Variants in PCNX4 observed in about 807,000 individuals in gnomAD.
PCNX4 encodes pecanex-like protein 4.
PCNX4 carries 103 observed loss-of-function variants against 107.2 expected under a neutral mutation model. The ratio of observed to expected loss-of-function variants is 0.96; its 90% CI spans 0.82 to 1.13. PCNX4 has a LOEUF of 1.13. PCNX4 is among the 50% of genes most tolerant of loss of function. The pLI is 0.00. For missense variants in PCNX4, 1,528 were observed against 1,379.4 expected (o/e 1.11, Z -1.71); for synonymous variants, 541 against 481.7 (o/e 1.12, Z -1.61).
intron 8 of PCNX4, among the ~76,000 whole-genome samples, chr14:60,123,324 A>G (rs1474154475): frequency 6.6e-6 from 1 of 152,084 alleles, no homozygotes; most frequent in Non-Finnish European, 1.5e-5. Flanking sequence ...ATACTTTAAA[A>G]TTTACAAAAC....
At chr14:60,097,872 C>T (rs947529957) in intron 1 of PCNX4, among the ~76,000 whole-genome samples, 1 of 152,230 alleles carries the variant, frequency 6.6e-6, no homozygotes, top group African/African-American at 2.4e-5. Context: ...GTTATTTCTG[C>T]AGTCAATCCA....
chr14:60,127,622 A>C (rs540243763), intron 10 of PCNX4, among the ~76,000 whole-genome samples: 1 of 152,294 alleles, frequency 6.6e-6, no homozygotes, highest in South Asian at 2.1e-4. Context: ...ACAAGTACAT[A>C]ATAATAACAA....
chr14:60,134,275 A>G lies in PCNX4; in HGVS notation c.*54A>G. 1 of 1,579,914 alleles carries G rather than the reference A, an allele frequency of 6.3e-7. No homozygotes were observed. The highest frequency in any genetic ancestry group is 1.1e-5 in the South Asian group (1 of 88,148). ...TGCAATGTTTTTATTTTTTCATCCT[A>G]AAAAAGTAACTGTGATTCTTGTAAC... On this transcript the variant is annotated 3_prime_UTR_variant, in exon 11 of 11. Coordinates refer to ENST00000406854, the MANE Select transcript of PCNX4 (RefSeq NM_001330177.2).
At chr14:60,106,617 G>A (rs1465700525) in intron 1 of PCNX4, among the ~76,000 whole-genome samples, 20 of 152,132 alleles carry the variant, frequency 1.3e-4, no homozygotes, top group Admixed American at 1.3e-3. Context: ...ACTCCATAGA[G>A]GTATAACAAA....
chr14:60,114,736 T>C lies in PCNX4; in HGVS notation c.726T>C (p.Asn242=). Residue 242 remains asparagine, a synonymous_variant, in exon 3 of 11, where the codon AAT becomes AAC. Transcript: ENST00000406854. Reference sequence around the variant, plus strand: ...ATATGCCAGCTCTAGAACACATGAATCAGATTTTACACATCTTGTTTGTAT... The same window carrying C: ...ATATGCCAGCTCTAGAACACATGAACCAGATTTTACACATCTTGTTTGTAT... ...VVNMPALEHM[N]QILHILFVFL... is the part of the protein sequence containing the mutation. 1.2e-6 allele frequency: 2 copies of C among 1,613,780 alleles called. No individual in the cohort carries two copies. The highest frequency in any genetic ancestry group is 1.7e-6 in the Non-Finnish European group (2 of 1,179,768).
chr14:60,113,122 A>G (rs1440992714), intron 2 of PCNX4, among the ~76,000 whole-genome samples: 1 of 152,166 alleles, frequency 6.6e-6, no homozygotes, highest in Non-Finnish European at 1.5e-5. Context: ...CAGACGTTGC[A>G]GTGAGCCGAG....
At chr14:60,112,071 G>A (rs548544018) in intron 2 of PCNX4, among the ~76,000 whole-genome samples, 13 of 152,228 alleles carry the variant, frequency 8.5e-5, no homozygotes, top group African/African-American at 2.4e-5. Flanking sequence ...GGCGAACCCC[G>A]CAGTGTAGTA....
chr14:60,120,547 C>G (rs1363606463), intron 7 of PCNX4, among the ~76,000 whole-genome samples: 5 of 152,104 alleles, frequency 3.3e-5, no homozygotes, highest in Admixed American at 3.3e-4. Context: ...TACAAGCCGA[C>G]TTGCACAAAG....
intron 1 of PCNX4, among the ~76,000 whole-genome samples, chr14:60,105,104 G>A (rs1895605616): frequency 6.6e-6 from 1 of 152,092 alleles, no homozygotes; most frequent in South Asian, 2.1e-4. Flanking sequence ...TCTCCTTTGG[G>A]CATCATGTTG....
Position 60,115,835 on chromosome 14 carries a change from G to C in PCNX4, c.1458+16G>C. 6.2e-7 allele frequency: 1 copy of C among 1,601,456 alleles called. No individual in the cohort carries two copies. The highest frequency in any genetic ancestry group is 8.5e-7 in the Non-Finnish European group (1 of 1,171,230). On this transcript the variant is annotated intron_variant, in intron 5 of 10. Coordinates refer to ENST00000406854, the MANE Select transcript of PCNX4 (RefSeq NM_001330177.2). ...CTTTAGAATGGTAATCCTAATATGT[G>C]TTTAATAGTATTTTCCTATTGCTAA...
At position 60,139,158 on chromosome 14, in the gene PCNX4, A is replaced by G. The variant is rs1896276615; in HGVS notation, c.*4937A>G. ...CATTCATATGAATAGACAGTGTACC[A>G]ATTAAATGCAAAGATCATCAAAGTG... On this transcript the variant is annotated 3_prime_UTR_variant, in exon 11 of 11. Coordinates refer to ENST00000406854, the MANE Select transcript of PCNX4 (RefSeq NM_001330177.2). 6.6e-6 allele frequency: 1 copy of G among 152,112 alleles called. No homozygotes were observed. 9.4% of individuals were successfully genotyped at this position (152,112 alleles called of 1,614,324 possible).
intron 8 of PCNX4, among the ~76,000 whole-genome samples, chr14:60,121,647 T>C (rs190286345): frequency 6.6e-6 from 1 of 152,288 alleles, no homozygotes; most frequent in Admixed American, 6.5e-5. Flanking sequence ...CTTCTAATCC[T>C]ACTGCCCCTA....
chr14:60,124,446 G>A lies in PCNX4; in HGVS notation c.2275G>A (p.Asp759Asn), dbSNP rs78843394. 1.2e-3 allele frequency: 2,002 copies of A among 1,613,562 alleles called. 25 individuals are homozygous for A. The African/African-American group carries it at 0.023, about 19-fold the overall frequency. The change falls in exon 9 of 11, where the codon GAC becomes AAC. Residue 759 changes from aspartate (D) to asparagine (N), a missense_variant. Coordinates refer to ENST00000406854, the MANE Select transcript of PCNX4 (RefSeq NM_001330177.2). ...TGAAAACTTAAAAGAATTTAAAGGT[G>A]ACCTCATTAAAGTACTTGTGTGGAT... Reference protein sequence around the residue: ...SHENLKEFKGDLIKVLVWILV... With the variant: ...SHENLKEFKGNLIKVLVWILV...
chr14:60,108,405 C>A, intron 2 of PCNX4, 78 bp downstream of exon 2: 1 of 1,082,332 alleles, frequency 9.2e-7, no homozygotes. Context: ...TTTAGTGTTA[C>A]AAAAAAATGA....
Position 60,115,382 on chromosome 14 carries a change from G to A in PCNX4, c.1278G>A (p.Val426=). 6.3e-7 allele frequency: 1 copy of A among 1,592,718 alleles called. No homozygotes were observed. The highest frequency in any genetic ancestry group is 8.5e-7 in the Non-Finnish European group (1 of 1,170,286). The change falls in exon 4 of 11, where the codon GTG becomes GTA. Residue 426 remains valine, a synonymous_variant. Coordinates refer to ENST00000406854, the MANE Select transcript of PCNX4 (RefSeq NM_001330177.2). ...GAAATCCCTTTTATCCGAAGGATGT[G>A]CAAACTGTGACTGTATTCTTTGAGA... ...IFRNPFYPKD[V]QTVTVFFEKQ...
Position 60,125,096 on chromosome 14 carries a change from A to G in PCNX4, c.2925A>G (p.Val975=), listed in dbSNP as rs1464393815. ...KVLKDFYVHT[V]MTCYFSLFGI... ...TAAAAGACTTTTATGTTCATACAGT[A>G]ATGACTTGTTATTTTAGTTTATTTG... is the stretch of plus-strand genomic sequence containing the variant. Residue 975 remains valine (V), a synonymous_variant, in exon 9 of 11, where the codon GTA becomes GTG. Transcript: ENST00000406854. 6.2e-7 allele frequency: 1 copy of G among 1,613,332 alleles called. No individual in the cohort carries two copies. Among genetic ancestry groups the G allele is most frequent in the Non-Finnish European group, 8.5e-7 (1 of 1,179,606 alleles).
At chr14:60,133,613 G>C (rs1238255303) in intron 10 of PCNX4, 1 of 468,444 alleles carries the variant, frequency 2.1e-6, no homozygotes, top group African/African-American at 2.0e-5. Flanking sequence ...CAACAAAGCT[G>C]TTTCTTTAAA....
chr14:60,111,744 T>C (rs368261048), intron 2 of PCNX4, among the ~76,000 whole-genome samples: 6 of 152,314 alleles, frequency 3.9e-5, no homozygotes, highest in Admixed American at 2.0e-4. Context: ...TAAAATCTTG[T>C]TGGATTTAAT....
intron 1 of PCNX4, among the ~76,000 whole-genome samples, chr14:60,104,633 G>A (rs1895596831): frequency 6.6e-6 from 1 of 152,154 alleles, no homozygotes; most frequent in African/African-American, 2.4e-5. Context: ...TGATCATGGT[G>A]GAAGGTGAAA....
Sources: gnomAD v4.1 joint callset for allele counts (sites outside exome capture counted in the v4.1 genomes callset) on GRCh38, gnomAD v4.1.1 for gene constraint, MANE v1.5 for transcripts, NCBI Gene and HGNC (gene_info 2026-07-23, HGNC 2026-07-21) for gene names.